The following ERICH6B variants were observed in gnomAD, a reference collection of about 807,000 sequenced individuals.
ERICH6B encodes glutamate-rich protein 6B.
In ERICH6B, 69 loss-of-function variants were observed where a neutral mutation model predicts 80.0. That is an observed-to-expected ratio of 0.86 (90% CI 0.71 to 1.05). ERICH6B has a LOEUF of 1.05. Among genes scored for constraint, ERICH6B ranks in the 50% least tolerant of loss-of-function variants. ERICH6B has a pLI of 0.00. For synonymous variants in ERICH6B, 283 were observed against 291.9 expected, an observed-to-expected ratio of 0.97 and a Z score of 0.31; for missense variants, 754 against 796.1, an observed-to-expected ratio of 0.95 and a Z score of 0.64.
At chr13:45,608,468 G>A (rs1048321666) in intron 1 of ERICH6B, among the ~76,000 whole-genome samples, 5 of 152,090 alleles carry the variant, frequency 3.3e-5, no homozygotes, top group Admixed American at 2.6e-4. Flanking sequence ...ATGGCTCTTT[G>A]TTAAAATACT....
chr13:45,552,395 T>C (rs537767596), intron 11 of ERICH6B, among the ~76,000 whole-genome samples: 2 of 152,062 alleles, frequency 1.3e-5, no homozygotes, highest in South Asian at 4.2e-4. Flanking sequence ...TCTTCTGGTT[T>C]TGTAGTTTTC....
intron 2 of ERICH6B, among the ~76,000 whole-genome samples, chr13:45,602,681 C>G (rs920473476): frequency 6.6e-6 from 1 of 152,172 alleles, no homozygotes; most frequent in African/African-American, 2.4e-5. Flanking sequence ...GTCTTCCTCC[C>G]CAGACCTCTC....
At chr13:45,548,049 T>C (rs968712439) in intron 13 of ERICH6B, among the ~76,000 whole-genome samples, 5 of 152,156 alleles carry the variant, frequency 3.3e-5, no homozygotes, top group Non-Finnish European at 5.9e-5. Flanking sequence ...GACCCTGAGT[T>C]TGGGCAGGTC....
At chr13:45,584,672 C>G (rs892868336) in intron 5 of ERICH6B, among the ~76,000 whole-genome samples, 7 of 152,204 alleles carry the variant, frequency 4.6e-5, no homozygotes, top group Non-Finnish European at 1.0e-4. Flanking sequence ...GACAGGGACA[C>G]CCAGTTCTGG....
At chr13:45,544,670 G>T (rs1268765153) in intron 14 of ERICH6B, 90 bp downstream of exon 14, 5 of 1,103,180 alleles carry the variant, frequency 4.5e-6, no homozygotes, top group East Asian at 2.6e-5. Context: ...AAGCCTGGAG[G>T]CCTGTGGCAT....
intron 8 of ERICH6B, among the ~76,000 whole-genome samples, chr13:45,571,400 C>G (rs1482568659): frequency 6.6e-6 from 1 of 151,866 alleles, no homozygotes; most frequent in Non-Finnish European, 1.5e-5. Flanking sequence ...TCCTTGCTTA[C>G]CAAAAACTAT....
intron 2 of ERICH6B, among the ~76,000 whole-genome samples, chr13:45,603,223 C>A (rs1254770235): frequency 1.3e-5 from 2 of 152,222 alleles, no homozygotes; most frequent in Non-Finnish European, 2.9e-5. Context: ...CAATGCCCAC[C>A]CACATTGGTG....
chr13:45,601,803 G>A (rs1195912097), intron 2 of ERICH6B, among the ~76,000 whole-genome samples: 1 of 152,142 alleles, frequency 6.6e-6, no homozygotes, highest in Non-Finnish European at 1.5e-5. Context: ...AATAGTAATG[G>A]CAACTTGATA....
At chr13:45,587,431 C>T (rs1038557317) in intron 4 of ERICH6B, among the ~76,000 whole-genome samples, 199 bp from the exon 5 acceptor site, 5 of 152,128 alleles carry the variant, frequency 3.3e-5, no homozygotes, top group Admixed American at 2.6e-4. Flanking sequence ...CACACATTGC[C>T]GCTGCTGCTT....
At chr13:45,545,172 C>T (rs1272648547) in intron 13 of ERICH6B, among the ~76,000 whole-genome samples, 187 bp from the exon 14 acceptor site, 1 of 152,184 alleles carries the variant, frequency 6.6e-6, no homozygotes, top group Non-Finnish European at 1.5e-5. Context: ...CTGGCCTCAC[C>T]ATATGGCCCT....
chr13:45,581,636 C>T (rs1352415262), intron 5 of ERICH6B, among the ~76,000 whole-genome samples: 2 of 152,204 alleles, frequency 1.3e-5, no homozygotes, highest in African/African-American at 4.8e-5. Flanking sequence ...CTCAGCCTCC[C>T]AAAGTGCTGG....
chr13:45,602,797 C>T (rs1949834756), intron 2 of ERICH6B, among the ~76,000 whole-genome samples: 1 of 152,204 alleles, frequency 6.6e-6, no homozygotes. Flanking sequence ...CTCATCCCTC[C>T]ATTTTCCCAC....
At chr13:45,597,137 T>C in intron 2 of ERICH6B, 74 bp from the exon 3 acceptor site, 1 of 1,066,212 alleles carries the variant, frequency 9.4e-7, no homozygotes. Context: ...CCATTTTTGT[T>C]CACTTATTTC....
chr13:45,558,303 C>T, intron 11 of ERICH6B, among the ~76,000 whole-genome samples: 1 of 152,140 alleles, frequency 6.6e-6, no homozygotes, highest in East Asian at 1.9e-4. Flanking sequence ...GGAAACTTTG[C>T]TGGATTAATT....
chr13:45,563,854 A>G, intron 9 of ERICH6B, 66 bp from the exon 10 acceptor site: 3 of 1,315,304 alleles, frequency 2.3e-6, no homozygotes, highest in Non-Finnish European at 3.2e-6. Flanking sequence ...CATCACACAC[A>G]GTGCAGACAG....
Position 45,544,977 on chromosome 13 carries a change from A to T in ERICH6B, c.1655T>A (p.Leu552Gln). ...GAAGTAGTAGCCCAGGTTGGAGCTCAGGTTCAACCTGGACCAGGAGAAAGC... is the reference window on the plus strand; with the variant it reads ...GAAGTAGTAGCCCAGGTTGGAGCTCTGGTTCAACCTGGACCAGGAGAAAGC... ...YDENSDIWLN[L>Q]SSNLGYYFPK... is the part of the protein sequence containing the mutation. The change falls in exon 14 of 15, where the codon CTG becomes CAG. Residue 552 changes from leucine to glutamine, a missense_variant. Coordinates refer to ENST00000298738, the MANE Select transcript of ERICH6B (RefSeq NM_182542.3). 1.3e-6 allele frequency: 2 copies of T among 1,550,576 alleles called. No individual in the cohort carries two copies. The highest frequency in any genetic ancestry group is 1.7e-6 in the Non-Finnish European group (2 of 1,146,936).
At chr13:45,598,483 C>G (rs1033695862) in intron 2 of ERICH6B, among the ~76,000 whole-genome samples, 1 of 152,124 alleles carries the variant, frequency 6.6e-6, no homozygotes, top group Non-Finnish European at 1.5e-5. Context: ...AGATACATAT[C>G]TTGGCCTGCC....
intron 11 of ERICH6B, among the ~76,000 whole-genome samples, chr13:45,555,088 C>T (rs1056297650): frequency 2.6e-5 from 4 of 151,920 alleles, no homozygotes; most frequent in East Asian, 1.9e-4. Context: ...GGGGAGGGGG[C>T]GCCATGGTGG....
In ERICH6B at chr13:45,567,022, G is replaced by A. The variant is rs148142012; in HGVS notation, c.1187+1293C>T. The stretch of plus-strand genomic sequence containing the variant: ...TCTTGCATTAGCATGACCTGGATGT[G>A]AGACATGGAGTTAAAGAAGATTATT... On this transcript the variant is annotated intron_variant, in intron 9 of 14. Coordinates refer to ENST00000298738, the MANE Select transcript of ERICH6B (RefSeq NM_182542.3). Among the ~76,000 whole-genome samples the A allele has an allele frequency of 7.4e-3, 1,124 of 152,374 alleles. 12 individuals carry two copies. The highest frequency in any genetic ancestry group is 0.025 in the African/African-American group (1,047 of 41,598).
Sources: gnomAD v4.1 joint callset for allele counts (sites outside exome capture counted in the v4.1 genomes callset) on GRCh38, gnomAD v4.1.1 for gene constraint, MANE v1.5 for transcripts, NCBI Gene and HGNC (gene_info 2026-07-23, HGNC 2026-07-21) for gene names.